MACROD2: variants seen among roughly 807,000 people sequenced by gnomAD.
MACROD2 encodes ADP-ribose glycohydrolase MACROD2.
In MACROD2, 36 loss-of-function variants were observed where a neutral mutation model predicts 70.4. That is an observed-to-expected ratio of 0.51 (90% CI 0.39 to 0.68). The LOEUF (loss-of-function observed/expected upper bound fraction) is 0.68. Among genes scored for constraint, MACROD2 ranks in the 30% least tolerant of loss-of-function variants. MACROD2 has a pLI of 0.00. For synonymous variants in MACROD2, 172 were observed against 178.8 expected (o/e 0.96, Z 0.30); for missense variants, 496 against 538.4 (o/e 0.92, Z 0.78).
At chr20:14,228,212 A>G (rs1275373553) in intron 3 of MACROD2, among the ~76,000 whole-genome samples, 2 of 152,026 alleles carry the variant, frequency 1.3e-5, no homozygotes, top group Non-Finnish European at 2.9e-5. Context: ...GTGCGTGTGT[A>G]GACAATAAAG....
At chr20:14,471,374 C>T (rs916273122) in intron 3 of MACROD2, among the ~76,000 whole-genome samples, 1 of 152,218 alleles carries the variant, frequency 6.6e-6, no homozygotes, top group Admixed American at 6.5e-5. Flanking sequence ...ATTTGGCCAT[C>T]TTGCCAGCCC....
intron 3 of MACROD2, among the ~76,000 whole-genome samples, chr20:14,330,127 G>T (rs2082807730): frequency 6.6e-6 from 1 of 151,994 alleles, no homozygotes. Flanking sequence ...TCAAAACCAG[G>T]TGGGGCATTT....
At chr20:15,330,779 C>G (rs1447248795) in intron 6 of MACROD2, among the ~76,000 whole-genome samples, 1 of 151,522 alleles carries the variant, frequency 6.6e-6, no homozygotes, top group Non-Finnish European at 1.5e-5. Context: ...AAGTCATTCT[C>G]TATAATATTG....
At chr20:15,401,042 CT>C (rs11337547) in intron 6 of MACROD2, among the ~76,000 whole-genome samples, 15,430 of 144,674 alleles carry the variant, frequency 0.11, 2,153 homozygotes, top group African/African-American at 0.33. Flanking sequence ...GCAGCTTGTT[CT>C]TTTTTTTTTT....
intron 5 of MACROD2, among the ~76,000 whole-genome samples, chr20:14,739,995 A>T (rs535485172): frequency 6.6e-5 from 10 of 152,242 alleles, no homozygotes; most frequent in African/African-American, 2.4e-4. Flanking sequence ...ACAAGCTTAT[A>T]TGTACATATA....
intron 4 of MACROD2, among the ~76,000 whole-genome samples, chr20:14,499,095 G>A (rs1195658299): frequency 6.6e-6 from 1 of 152,204 alleles, no homozygotes; most frequent in Non-Finnish European, 1.5e-5. Context: ...CCAGCCATGG[G>A]CCTGGGGAAC....
intron 8 of MACROD2, among the ~76,000 whole-genome samples, chr20:15,514,244 G>C (rs1268408266): frequency 1.3e-5 from 2 of 152,182 alleles, no homozygotes; most frequent in Non-Finnish European, 2.9e-5. Flanking sequence ...CCACAACAGT[G>C]TACAGTAATG....
intron 8 of MACROD2, among the ~76,000 whole-genome samples, chr20:15,653,525 C>G (rs541867599): frequency 2.6e-5 from 4 of 152,152 alleles, no homozygotes; most frequent in African/African-American, 9.7e-5. Context: ...TCCACCATTC[C>G]AACATCTGGT....
At chr20:14,473,480 G>T (rs2084553521) in intron 3 of MACROD2, among the ~76,000 whole-genome samples, 1 of 152,164 alleles carries the variant, frequency 6.6e-6, no homozygotes, top group African/African-American at 2.4e-5. Context: ...TGACAGAACT[G>T]TCTTGTTTTT....
chr20:14,780,138 G>A (rs1416949685), intron 5 of MACROD2, among the ~76,000 whole-genome samples: 1 of 152,118 alleles, frequency 6.6e-6, no homozygotes, highest in East Asian at 1.9e-4. Flanking sequence ...AGGTGAAAGG[G>A]TCACTTGATA....
chr20:15,950,504 C>G (rs1174594308), intron 12 of MACROD2, among the ~76,000 whole-genome samples: 4 of 152,052 alleles, frequency 2.6e-5, no homozygotes, highest in Admixed American at 6.6e-5. Context: ...CTTCTTTAAC[C>G]CTGTCAAAAA....
chr20:14,469,002 G>C (rs1471540881), intron 3 of MACROD2, among the ~76,000 whole-genome samples: 5 of 152,066 alleles, frequency 3.3e-5, no homozygotes. Context: ...TATTTTAGTT[G>C]ATGCAGTTTC....
At chr20:15,995,649 C>CTTTTATTTTTTTTTTTTT in intron 15 of MACROD2, among the ~76,000 whole-genome samples, 1 of 85,508 alleles carries the variant, frequency 1.2e-5, no homozygotes, top group Non-Finnish European at 2.3e-5. Flanking sequence ...TATGCCCGGC[C>CTTTTATTTTTTTTTTTTT]TTTTTTTTTT....
At chr20:15,114,465 T>C (rs966291098) in intron 5 of MACROD2, among the ~76,000 whole-genome samples, 1 of 152,096 alleles carries the variant, frequency 6.6e-6, no homozygotes, top group African/African-American at 2.4e-5. Context: ...TGAGAGTAGT[T>C]CTTGGTTGGT....
intron 3 of MACROD2, among the ~76,000 whole-genome samples, chr20:14,164,755 G>A (rs1183154353): frequency 2.6e-5 from 4 of 152,180 alleles, no homozygotes; most frequent in Non-Finnish European, 4.4e-5. Context: ...TAGATGGCAC[G>A]CTTACTTACT....
chr20:15,463,284 C>G (rs185096361), intron 7 of MACROD2, among the ~76,000 whole-genome samples: 6 of 152,236 alleles, frequency 3.9e-5, no homozygotes, highest in Non-Finnish European at 8.8e-5. Context: ...GCAAAGAGTA[C>G]TGTCATTAAT....
intron 4 of MACROD2, among the ~76,000 whole-genome samples, chr20:14,518,642 T>C (rs2085130365): frequency 6.6e-6 from 1 of 152,190 alleles, no homozygotes; most frequent in South Asian, 2.1e-4. Flanking sequence ...TCTCTTCTTA[T>C]TTGTTAGAGA....
At chr20:15,411,726 T>A (rs1055082919) in intron 6 of MACROD2, among the ~76,000 whole-genome samples, 3 of 152,248 alleles carry the variant, frequency 2.0e-5, no homozygotes, top group Non-Finnish European at 4.4e-5. Context: ...TGTATGCAGC[T>A]GGGGAAAAAG....
chr20:14,216,745 G>GT (rs2081626355), intron 3 of MACROD2, among the ~76,000 whole-genome samples: 3 of 152,054 alleles, frequency 2.0e-5, no homozygotes, highest in Admixed American at 2.0e-4. Flanking sequence ...ATATTCCTAA[G>GT]TATTTTATTT....
Sources: gnomAD v4.1 joint callset for allele counts (sites outside exome capture counted in the v4.1 genomes callset) on GRCh38, gnomAD v4.1.1 for gene constraint, MANE v1.5 for transcripts, NCBI Gene and HGNC (gene_info 2026-07-23, HGNC 2026-07-21) for gene names.